Variants in SLC67A1 observed in about 807,000 individuals in gnomAD.
SLC67A1 encodes solute carrier family 67 member 1.
chr11:2,902,339 GC>G, the SLC67A1 span: 1 of 152,654 alleles, frequency 6.6e-6, no homozygotes, highest in Non-Finnish European at 1.5e-5. Flanking sequence ...CGGCACCCGT[GC>G]CCAAGCCCGC....
At chr11:2,902,841 C>G in the SLC67A1 span, 11 of 717,514 alleles carry the variant, frequency 1.5e-5, no homozygotes, top group South Asian at 6.7e-4. Context: ...TCCCTGAGAG[C>G]TGCACTGTGT....
the SLC67A1 span, among the ~76,000 whole-genome samples, chr11:2,900,680 A>G: frequency 1.4e-3 from 180 of 129,934 alleles, 1 homozygote; most frequent in Non-Finnish European, 2.1e-3. Flanking sequence ...GTGACAGAGC[A>G]AGACTCCGTC....
the SLC67A1 span, chr11:2,918,135 G>A: frequency 6.5e-7 from 1 of 1,532,918 alleles, no homozygotes; most frequent in Non-Finnish European, 9.0e-7. Flanking sequence ...CCAGAGCCTG[G>A]CAGAGTCCCA....
chr11:2,922,398 A>G, the SLC67A1 span: 1 of 1,601,254 alleles, frequency 6.2e-7, no homozygotes, highest in South Asian at 1.1e-5. Flanking sequence ...TGGTCCCGTG[A>G]GGCCCCCACT....
At chr11:2,908,164 C>G in the SLC67A1 span, 1 of 1,116,516 alleles carries the variant, frequency 9.0e-7, no homozygotes, top group South Asian at 1.2e-5. Flanking sequence ...CCTGCCCATC[C>G]AGGGACCCCA....
the SLC67A1 span, among the ~76,000 whole-genome samples, chr11:2,924,258 G>A: frequency 1.3e-5 from 2 of 152,204 alleles, no homozygotes; most frequent in African/African-American, 2.4e-5. This position sits in a 1 kb window ranked among gnomAD's most constrained non-coding sequence, Gnocchi z 8.6. Flanking sequence ...GGGGAGCCTC[G>A]GAAGCCGCTC....
chr11:2,918,886 G>T, the SLC67A1 span: 29 of 179,134 alleles, frequency 1.6e-4, no homozygotes, highest in East Asian at 4.7e-3. Context: ...GTAGAGACAG[G>T]GTCTCACTAT....
the SLC67A1 span, among the ~76,000 whole-genome samples, chr11:2,917,258 C>T: frequency 6.6e-6 from 1 of 152,236 alleles, no homozygotes; most frequent in African/African-American, 2.4e-5. Context: ...AACGCAGCCC[C>T]TTTGTGCCAG....
the SLC67A1 span, chr11:2,902,848 G>A: frequency 1.5e-6 from 1 of 675,960 alleles, no homozygotes; most frequent in Non-Finnish European, 1.8e-6. Context: ...GAGCTGCACT[G>A]TGTTGGGGAC....
the SLC67A1 span, among the ~76,000 whole-genome samples, chr11:2,924,301 A>AG: frequency 6.6e-6 from 1 of 152,044 alleles, no homozygotes; most frequent in African/African-American, 2.4e-5. The surrounding 1 kb of genome is among the most constrained non-coding windows in gnomAD (Gnocchi z 8.6). Flanking sequence ...GGGCAGGTGG[A>AG]GGGGCCCTGC....
At chr11:2,916,307 T>C in the SLC67A1 span, 2 of 343,200 alleles carry the variant, frequency 5.8e-6, no homozygotes, top group African/African-American at 4.2e-5. Context: ...GGAGCTGCTG[T>C]TCCTGGGAGG....
the SLC67A1 span, chr11:2,902,660 C>T: frequency 1.0e-5 from 10 of 985,524 alleles, no homozygotes; most frequent in Non-Finnish European, 1.2e-5. Context: ...AAATCCAGTT[C>T]CCACCAGTTG....
chr11:2,909,356 G>A, the SLC67A1 span: 1 of 1,376,628 alleles, frequency 7.3e-7, no homozygotes, highest in African/African-American at 3.3e-5. Context: ...CACGCTGCCA[G>A]GTAGGGCCGG....
chr11:2,915,073 G>T, the SLC67A1 span: 1 of 985,386 alleles, frequency 1.0e-6, no homozygotes, highest in South Asian at 4.7e-5. Context: ...ATGGATTGGC[G>T]GGGGCAGCAG....
the SLC67A1 span, chr11:2,920,742 T>G: frequency 3.3e-5 from 5 of 152,212 alleles, no homozygotes; most frequent in Non-Finnish European, 5.9e-5. Flanking sequence ...TAGCTCCAGG[T>G]TCATGTCACA....
chr11:2,918,486 C>T, the SLC67A1 span, among the ~76,000 whole-genome samples: 1 of 152,226 alleles, frequency 6.6e-6, no homozygotes, highest in African/African-American at 2.4e-5. Flanking sequence ...TAGGGCGTCA[C>T]GGACCACAGA....
At chr11:2,902,988 G>C in the SLC67A1 span, 5 of 265,596 alleles carry the variant, frequency 1.9e-5, no homozygotes, top group Non-Finnish European at 2.8e-5. Flanking sequence ...TCTAAAAGTG[G>C]GGCATGGCAC....
At chr11:2,917,023 GGT>G in the SLC67A1 span, 5 of 465,344 alleles carry the variant, frequency 1.1e-5, no homozygotes, top group Non-Finnish European at 1.6e-5. Flanking sequence ...AGACAGGGAA[GGT>G]GCTAGGAGGG....
chr11:2,916,617 C>T, the SLC67A1 span: 22 of 1,609,360 alleles, frequency 1.4e-5, no homozygotes, highest in Admixed American at 6.7e-5. Flanking sequence ...GGCTGTTGCC[C>T]GCAGGATTCA....
Sources: gnomAD v4.1 joint callset for allele counts (sites outside exome capture counted in the v4.1 genomes callset) on GRCh38, gnomAD v4.1.1 for gene constraint, Gnocchi (gnomAD v3.1) non-coding constraint, MANE v1.5 for transcripts, NCBI Gene and HGNC (gene_info 2026-07-23, HGNC 2026-07-21) for gene names.